The following PSME4 variants were observed in gnomAD, a reference collection of about 807,000 sequenced individuals.
The protein encoded by PSME4 is proteasome activator complex subunit 4.
In PSME4, 89 loss-of-function variants were observed where a neutral mutation model predicts 253.9. That is an observed-to-expected ratio of 0.35 (90% CI 0.30 to 0.42). The LOEUF (loss-of-function observed/expected upper bound fraction) is 0.42. Ranked by LOEUF, PSME4 falls within the 10% of genes least tolerant of loss-of-function variation. The pLI, the probability that PSME4 is intolerant of heterozygous loss-of-function variation, is 1.00. For synonymous variants in PSME4, 851 were observed against 759.2 expected, an observed-to-expected ratio of 1.12 and a Z score of -1.99; for missense variants, 2,014 against 2,195.2, an observed-to-expected ratio of 0.92 and a Z score of 1.65.
chr2:53,927,012 AAAG>A (rs936390825), intron 12 of PSME4, among the ~76,000 whole-genome samples: 2 of 152,108 alleles, frequency 1.3e-5, no homozygotes, highest in Non-Finnish European at 2.9e-5. Flanking sequence ...AGAAGTTTTG[AAAG>A]AGCCAGACAG....
rs1476532912 is a variant in PSME4 at position 53,932,096 on chromosome 2, T to C, written c.1055A>G (p.Lys352Arg). The stretch of plus-strand genomic sequence containing the variant: ...CAACCGCTGAAGTAGTTTCATTAAC[T>C]TGTTCTGGGGACACAGAAGCAAAAA... ...HPSNNGRWLNKLMKLLQRLPN... is the reference protein window; with the variant it reads ...HPSNNGRWLNRLMKLLQRLPN... The change falls in exon 10 of 47, where the codon AAG (lysine) becomes AGG (arginine). Residue 352 changes from lysine (K) to arginine (R), a missense_variant. By Grantham distance (26) the Lys-to-Arg change is conservative. Coordinates refer to ENST00000404125, the MANE Select transcript of PSME4 (RefSeq NM_014614.3). 5 of 1,613,586 alleles carry C rather than the reference T, an allele frequency of 3.1e-6. No homozygotes were observed. The highest frequency in any genetic ancestry group is 4.2e-6 in the Non-Finnish European group (5 of 1,179,604).
intron 3 of PSME4, among the ~76,000 whole-genome samples, chr2:53,944,313 C>A (rs1367946608): frequency 6.6e-6 from 1 of 152,066 alleles, no homozygotes; most frequent in Admixed American, 6.6e-5. Flanking sequence ...CATGCGCCAT[C>A]ACACCAGGCT....
intron 18 of PSME4, 105 bp from the exon 19 acceptor site, chr2:53,920,455 A>G: frequency 4.2e-6 from 5 of 1,177,660 alleles, no homozygotes; most frequent in Non-Finnish European, 5.8e-6. Flanking sequence ...AAATGTACAC[A>G]TAATCCAAAC....
intron 20 of PSME4, among the ~76,000 whole-genome samples, chr2:53,910,930 AG>A (rs1282628317): frequency 1.3e-5 from 2 of 152,240 alleles, no homozygotes; most frequent in Non-Finnish European, 2.9e-5. Flanking sequence ...GGCACAAATC[AG>A]GCAAGCATAT....
At chr2:53,956,534 AT>A (rs755982530) in intron 1 of PSME4, among the ~76,000 whole-genome samples, 33 of 152,158 alleles carry the variant, frequency 2.2e-4, no homozygotes, top group South Asian at 1.2e-3. Flanking sequence ...GTCTCAAAAA[AT>A]AAAAATAATA....
rs767757443 is a variant in PSME4, at chr2:53,949,237, G to A, written c.289C>T (p.Leu97Phe). The A allele has an allele frequency of 6.2e-7, 1 of 1,609,006 alleles. No homozygotes were observed. The highest frequency in any genetic ancestry group is 1.1e-5 in the South Asian group (1 of 89,934). Residue 97 changes from leucine to phenylalanine, a missense_variant, in exon 2 of 47, where the codon CTT becomes TTT. Leu to Phe is a conservative substitution (Grantham distance 22, BLOSUM62 0). Transcript: ENST00000404125. ...GRKFSKEDHV[L>F]FIKLLYELVS... ...AGCTCATACAATAACTTAATAAAAA[G>A]AACATGATCTTCTTTGCTAAATTTT...
At chr2:53,959,122 G>C (rs143302405) in intron 1 of PSME4, among the ~76,000 whole-genome samples, 201 of 152,284 alleles carry the variant, frequency 1.3e-3, no homozygotes, top group African/African-American at 4.5e-3. Context: ...TTTGAAGCTA[G>C]CCTGGGCAAC....
chr2:53,919,011 G>C (rs1668182725), intron 20 of PSME4, 140 bp downstream of exon 20: 1 of 734,958 alleles, frequency 1.4e-6, no homozygotes, highest in Admixed American at 3.3e-5. Flanking sequence ...TGTACCTCTG[G>C]TATTTTTGAC....
At chr2:53,949,453 T>TC (rs912789771) in intron 1 of PSME4, among the ~76,000 whole-genome samples, 170 bp from the exon 2 acceptor site, 1 of 148,904 alleles carries the variant, frequency 6.7e-6, no homozygotes, top group African/African-American at 2.6e-5. Context: ...ATTGTCTTTT[T>TC]TTTTTTTTTT....
intron 13 of PSME4, 42 bp from the exon 14 acceptor site, chr2:53,925,731 T>C (rs1302085979): frequency 1.3e-6 from 2 of 1,572,332 alleles, no homozygotes; most frequent in Non-Finnish European, 1.7e-6. Flanking sequence ...AACTAAAATC[T>C]GGTTTGACAT....
At chr2:53,869,266 T>C (rs1447706214) in intron 44 of PSME4, 110 bp downstream of exon 44, 2 of 1,115,522 alleles carry the variant, frequency 1.8e-6, no homozygotes, top group Non-Finnish European at 1.2e-6. Flanking sequence ...TCCCAATACC[T>C]AGCATAGACC....
At chr2:53,910,829 T>C (rs1667798230) in intron 20 of PSME4, among the ~76,000 whole-genome samples, 1 of 152,200 alleles carries the variant, frequency 6.6e-6, no homozygotes, top group Non-Finnish European at 1.5e-5. Context: ...TAGTGAAAAA[T>C]ATACCTCAAT....
Position 53,934,700 on chromosome 2 carries a change from T to C in PSME4, c.862A>G (p.Asn288Asp). ...KIFTRILRSLNLPVGSSQVLV... is the reference protein window; with the variant it reads ...KIFTRILRSLDLPVGSSQVLV... ...ACTTGACTGCTTCCCACTGGGAGGT[T>C]CAAGCTTCTCAGAATTCTTGTAAAT... Residue 288 changes from asparagine (N) to aspartate (D), a missense_variant, in exon 8 of 47, where the codon AAC becomes GAC. Physicochemically the swap from Asn to Asp is conservative, Grantham distance 23. Around this residue, in one of 4 missense-constraint regions of PSME4, gnomAD observed 615 missense variants for 594.4 expected, o/e 1.03. Coordinates refer to ENST00000404125, the MANE Select transcript of PSME4 (RefSeq NM_014614.3). The C allele has an allele frequency of 6.3e-7, 1 of 1,596,758 alleles. No individual in the cohort carries two copies. Among genetic ancestry groups the C allele is most frequent in the Non-Finnish European group, 8.6e-7 (1 of 1,165,220 alleles).
intron 20 of PSME4, among the ~76,000 whole-genome samples, chr2:53,917,922 C>A: frequency 6.6e-6 from 1 of 152,234 alleles, no homozygotes; most frequent in African/African-American, 2.4e-5. Context: ...AAAAAGAATT[C>A]GGCAAATTCC....
rs377088487 is a variant in PSME4, at chr2:53,906,582, T to C, written c.2943+16A>G. On this transcript the variant is annotated intron_variant, in intron 26 of 46. Coordinates refer to ENST00000404125, the MANE Select transcript of PSME4 (RefSeq NM_014614.3). ...AATGGGAGGGCATGAGAGTGCAGCGTTTGGATAAGCCTTACCTGACTGTAT... is the reference window on the plus strand; with the variant it reads ...AATGGGAGGGCATGAGAGTGCAGCGCTTGGATAAGCCTTACCTGACTGTAT... 7.1e-5 allele frequency: 108 copies of C among 1,527,012 alleles called. No homozygotes were observed. Among genetic ancestry groups the C allele is most frequent in the Non-Finnish European group, 8.5e-5 (97 of 1,139,718 alleles). The allele number at this position is 1,527,012 out of a possible 1,614,324, so 94.6% of individuals were successfully genotyped here.
intron 17 of PSME4, 89 bp from the exon 18 acceptor site, chr2:53,921,193 C>T (rs1414513879): frequency 1.3e-6 from 2 of 1,555,078 alleles, no homozygotes; most frequent in East Asian, 2.3e-5. Flanking sequence ...TGGCCACTAA[C>T]CTAGTGTTTC....
At chr2:53,911,430 G>A (rs1009878010) in intron 20 of PSME4, among the ~76,000 whole-genome samples, 1 of 151,934 alleles carries the variant, frequency 6.6e-6, no homozygotes, top group African/African-American at 2.4e-5. Flanking sequence ...AAATATTTTT[G>A]CATGATCAAA....
intron 24 of PSME4, 78 bp from the exon 25 acceptor site, chr2:53,906,946 A>G (rs1399638204): frequency 1.5e-5 from 20 of 1,347,826 alleles, no homozygotes; most frequent in Non-Finnish European, 2.0e-5. Context: ...AAATACCTTA[A>G]TAAGTGGTCA....
intron 44 of PSME4, among the ~76,000 whole-genome samples, chr2:53,867,502 GAA>G (rs35076319): frequency 5.0e-5 from 5 of 100,088 alleles, no homozygotes; most frequent in African/African-American, 7.9e-5. Flanking sequence ...CCGTCTCAAG[GAA>G]AAAAAAAAAA....
Sources: gnomAD v4.1 joint callset for allele counts (sites outside exome capture counted in the v4.1 genomes callset) on GRCh38, gnomAD v4.1.1 for gene constraint, gnomAD v4.1.1 regional missense constraint, MANE v1.5 for transcripts, NCBI Gene and HGNC (gene_info 2026-07-23, HGNC 2026-07-21) for gene names.